ALKBH3: variants seen among roughly 807,000 people sequenced by gnomAD.
ALKBH3 encodes alkB homolog 3, alpha-ketoglutarate dependent dioxygenase.
A neutral mutation model predicts 43.9 loss-of-function variants in ALKBH3; 51 were observed. That is an observed-to-expected ratio of 1.16 (90% CI 0.93 to 1.47). The LOEUF is 1.47. Ranked by LOEUF, ALKBH3 falls within the 40% of genes most tolerant of loss-of-function variation. ALKBH3 has a pLI of 0.00. For synonymous variants in ALKBH3, 102 were observed against 115.2 expected, an observed-to-expected ratio of 0.89 and a Z score of 0.73; for missense variants, 361 against 351.9, an observed-to-expected ratio of 1.03 and a Z score of -0.21.
Position 43,883,990 on chromosome 11 carries a change from G to A in ALKBH3, c.191G>A (p.Arg64His), listed in dbSNP as rs147054520. The change falls in exon 4 of 10, where the codon CGT (arginine) becomes CAT (histidine). Residue 64 changes from arginine to histidine, a missense_variant. Transcript: ENST00000302708. ...FVFKEPQQVV[R>H]RAPEPRVIDR... ...CCGCCTATTTCCTTGCAGGTAGTAC[G>A]TAGAGCTCCTGAGCCACGAGTGATT... The A allele has an allele frequency of 1.7e-5, 28 of 1,613,714 alleles. No individual in the cohort carries two copies. The highest frequency in any genetic ancestry group is 1.9e-5 in the Non-Finnish European group (23 of 1,179,856).
rs1951707998 is a variant in ALKBH3, at chr11:43,881,147, C to T, written c.-103C>T. ...CTCAACCGTGCGGAAAGTGACTGCC[C>T]TGTTTACTGAGGAAAAACTGGGGCT... On this transcript the variant is annotated 5_prime_UTR_variant, in exon 1 of 10. Coordinates refer to ENST00000302708, the MANE Select transcript of ALKBH3 (RefSeq NM_139178.4). 2 of 152,362 alleles carry T rather than the reference C, an allele frequency of 1.3e-5. No individual in the cohort carries two copies. The highest frequency in any genetic ancestry group is 2.9e-5 in the Non-Finnish European group (2 of 68,132). The allele number at this position is 152,362 out of a possible 1,614,324, so 9.4% of individuals were successfully genotyped here.
At chr11:43,900,731 C>G (rs967391536) in intron 7 of ALKBH3, among the ~76,000 whole-genome samples, 3 of 152,076 alleles carry the variant, frequency 2.0e-5, no homozygotes, top group African/African-American at 7.2e-5. Context: ...CTAGCAAGAA[C>G]CAATATAAGC....
At chr11:43,897,529 G>A (rs1951827768) in intron 7 of ALKBH3, 1 of 767,194 alleles carries the variant, frequency 1.3e-6, no homozygotes, top group African/African-American at 1.7e-5. Context: ...GCCTATGAAA[G>A]GAGGTTCCCT....
chr11:43,917,291 T>G (rs554625159), intron 8 of ALKBH3, among the ~76,000 whole-genome samples: 20 of 152,386 alleles, frequency 1.3e-4, no homozygotes, highest in African/African-American at 4.6e-4. Flanking sequence ...GGAACTATAG[T>G]GTTTACCTAT....
At chr11:43,917,036 G>A (rs1951988922) in intron 8 of ALKBH3, 2 of 152,242 alleles carry the variant, frequency 1.3e-5, no homozygotes, top group Admixed American at 1.3e-4. Flanking sequence ...TGTCTCCTTT[G>A]TGGACTGATT....
At chr11:43,899,655 G>T (rs961796898) in intron 7 of ALKBH3, 2 of 454,880 alleles carry the variant, frequency 4.4e-6, no homozygotes, top group African/African-American at 4.1e-5. Context: ...ACATTGTATG[G>T]ACTCCTCTCA....
chr11:43,891,000 T>C (rs190015520), intron 6 of ALKBH3, among the ~76,000 whole-genome samples: 1 of 152,374 alleles, frequency 6.6e-6, no homozygotes, highest in East Asian at 1.9e-4. Flanking sequence ...TACTGTTTTT[T>C]ATTGTGGTAT....
At chr11:43,902,759 G>A (rs1207361225) in intron 8 of ALKBH3, among the ~76,000 whole-genome samples, 1 of 152,204 alleles carries the variant, frequency 6.6e-6, no homozygotes, top group Non-Finnish European at 1.5e-5. Flanking sequence ...AGGACCCCTG[G>A]CTAATTTTTG....
In ALKBH3 at chr11:43,896,068, G is replaced by T. The variant is rs183011682; in HGVS notation, c.459+3939G>T. On this transcript the variant is annotated intron_variant, in intron 7 of 9. Coordinates refer to ENST00000302708, the MANE Select transcript of ALKBH3 (RefSeq NM_139178.4). ...TTGCTTAAAATACAACGGGCAGACCGACTGTGGTTATTCAAACTTGAGTAT... is the reference window on the plus strand; with the variant it reads ...TTGCTTAAAATACAACGGGCAGACCTACTGTGGTTATTCAAACTTGAGTAT... 3.0e-3 allele frequency among the ~76,000 whole-genome samples: 451 copies of T among 152,242 alleles called. 4 individuals are homozygous for T. Among genetic ancestry groups the T allele is most frequent in the African/African-American group, 0.01 (428 of 41,536 alleles).
intron 8 of ALKBH3, chr11:43,909,572 A>T (rs1376231792): frequency 1.3e-5 from 2 of 152,368 alleles, no homozygotes; most frequent in Non-Finnish European, 2.9e-5. Flanking sequence ...TTACTGGCAT[A>T]GCCATAAGTT....
chr11:43,908,963 G>A (rs1951916614), intron 8 of ALKBH3, among the ~76,000 whole-genome samples: 1 of 152,146 alleles, frequency 6.6e-6, no homozygotes, highest in South Asian at 2.1e-4. Flanking sequence ...ATATCACTGG[G>A]TGTGCCTGGT....
intron 1 of ALKBH3, 129 bp downstream of exon 1, chr11:43,881,308 C>A (rs1330783061): frequency 6.6e-6 from 1 of 152,222 alleles, no homozygotes; most frequent in Non-Finnish European, 1.5e-5. Context: ...ATTAAGAATT[C>A]CTGGGTTGAG....
chr11:43,881,710 A>G (rs148153557), intron 1 of ALKBH3, among the ~76,000 whole-genome samples: 6 of 152,334 alleles, frequency 3.9e-5, no homozygotes, highest in Non-Finnish European at 8.8e-5. Flanking sequence ...GAGGTGGGAG[A>G]TGGGACCTGG....
intron 2 of ALKBH3, 176 bp from the exon 3 acceptor site, chr11:43,882,909 G>A (rs894148576): frequency 9.5e-6 from 8 of 842,984 alleles, no homozygotes; most frequent in Admixed American, 2.9e-5. Flanking sequence ...GGTCTTTAAT[G>A]TTCCTCATAT....
intron 4 of ALKBH3, among the ~76,000 whole-genome samples, chr11:43,886,056 T>A (rs1951744501): frequency 6.6e-6 from 1 of 152,136 alleles, no homozygotes; most frequent in Non-Finnish European, 1.5e-5. Context: ...TTCAGGAGAT[T>A]CCAAGCAGTT....
chr11:43,907,597 A>G (rs1951904798), intron 8 of ALKBH3, among the ~76,000 whole-genome samples: 1 of 152,064 alleles, frequency 6.6e-6, no homozygotes, highest in Non-Finnish European at 1.5e-5. Flanking sequence ...TTCCTAAGCC[A>G]TCTGGTATCT....
chr11:43,899,162 AG>A, intron 7 of ALKBH3: 1 of 787,636 alleles, frequency 1.3e-6, no homozygotes, highest in Non-Finnish European at 2.3e-6. Flanking sequence ...AGGACTCCCT[AG>A]GGGCCCCACC....
chr11:43,899,449 G>A, intron 7 of ALKBH3: 1 of 702,324 alleles, frequency 1.4e-6, no homozygotes, highest in Non-Finnish European at 2.7e-6. Flanking sequence ...TAGGCTCCGA[G>A]GATTTCAGAG....
chr11:43,885,316 G>A (rs1951739629), intron 4 of ALKBH3, among the ~76,000 whole-genome samples: 1 of 152,118 alleles, frequency 6.6e-6, no homozygotes, highest in Non-Finnish European at 1.5e-5. Context: ...CTGAATGTGG[G>A]CCAAAAATAC....
Sources: allele counts gnomAD v4.1 joint callset (sites outside exome capture counted in the v4.1 genomes callset), GRCh38; gene constraint gnomAD v4.1.1; transcripts MANE v1.5; gene names NCBI Gene and HGNC (gene_info 2026-07-23, HGNC 2026-07-21).